Variants in PDE7B observed in about 807,000 individuals in gnomAD.
PDE7B encodes phosphodiesterase 7B.
PDE7B carries 29 observed loss-of-function variants against 56.2 expected under a neutral mutation model. That is an observed-to-expected ratio of 0.52 (90% CI 0.38 to 0.70). The LOEUF is 0.70. Among genes scored for constraint, PDE7B ranks in the 30% least tolerant of loss-of-function variants. PDE7B has a pLI of 0.00. For missense variants in PDE7B, 490 were observed against 565.0 expected (o/e 0.87, Z 1.35); for synonymous variants, 197 against 196.9 (o/e 1.00, Z 0.00).
At chr6:136,042,885 C>G (rs1176809905) in intron 2 of PDE7B, among the ~76,000 whole-genome samples, 2 of 152,162 alleles carry the variant, frequency 1.3e-5, no homozygotes, top group African/African-American at 4.8e-5. Flanking sequence ...GAATCAAAAG[C>G]TTAATGAAAG....
chr6:136,041,159 G>A (rs1015076040), intron 2 of PDE7B, among the ~76,000 whole-genome samples: 2 of 152,162 alleles, frequency 1.3e-5, no homozygotes, highest in East Asian at 3.8e-4. Context: ...TAAAGATGGT[G>A]TCATTGGCTC....
intron 9 of PDE7B, among the ~76,000 whole-genome samples, chr6:136,178,511 C>G (rs1008891115): frequency 5.9e-5 from 9 of 152,148 alleles, no homozygotes; most frequent in Non-Finnish European, 1.3e-4. Context: ...GTTCCAGAAT[C>G]TCTTCCTGGC....
At chr6:136,089,049 C>T (rs908837443) in intron 2 of PDE7B, among the ~76,000 whole-genome samples, 1 of 151,838 alleles carries the variant, frequency 6.6e-6, no homozygotes, top group East Asian at 1.9e-4. Flanking sequence ...ACCTAGAAAC[C>T]GCAAAACACA....
In PDE7B at chr6:135,897,292, A is replaced by G. The variant is rs950902623; in HGVS notation, c.21+45273A>G. 2.7e-5 allele frequency among the ~76,000 whole-genome samples: 4 copies of G among 148,802 alleles called. No individual in the cohort carries two copies. In the South Asian group the frequency reaches 8.4e-4, roughly 31 times the overall value. On this transcript the variant is annotated intron_variant, in intron 1 of 12. Coordinates refer to ENST00000308191, the MANE Select transcript of PDE7B (RefSeq NM_018945.4). ...TGTGTGTGTGTGTGTGTGTGTGGGT[A>G]TGTGTGTAGGCGGAGGAAGGAGGGA...
chr6:135,909,762 T>A (rs1776179428), intron 1 of PDE7B, among the ~76,000 whole-genome samples: 1 of 152,162 alleles, frequency 6.6e-6, no homozygotes, highest in African/African-American at 2.4e-5. Context: ...AAGATCAAAG[T>A]GTCTACGCAA....
intron 2 of PDE7B, among the ~76,000 whole-genome samples, chr6:136,073,977 G>T (rs141997193): frequency 1.3e-5 from 2 of 152,158 alleles, no homozygotes; most frequent in Non-Finnish European, 1.5e-5. Context: ...TAATTCCTTC[G>T]TGGAGAATTT....
At chr6:136,103,073 G>A (rs1013685349) in intron 2 of PDE7B, among the ~76,000 whole-genome samples, 1 of 152,104 alleles carries the variant, frequency 6.6e-6, no homozygotes, top group African/African-American at 2.4e-5. Flanking sequence ...CTAACTCCTG[G>A]TTTGCCTCTT....
intron 1 of PDE7B, among the ~76,000 whole-genome samples, chr6:135,895,896 T>C (rs769773099): frequency 1.1e-4 from 16 of 152,124 alleles, no homozygotes. Flanking sequence ...ACTGATTCCA[T>C]CACACTCCCT....
At chr6:135,993,903 G>A (rs775597404) in intron 2 of PDE7B, among the ~76,000 whole-genome samples, 6 of 152,048 alleles carry the variant, frequency 3.9e-5, no homozygotes, top group Non-Finnish European at 5.9e-5. Context: ...ATAAAAACTC[G>A]GGTCTATCCA....
intron 1 of PDE7B, among the ~76,000 whole-genome samples, chr6:135,873,675 G>C (rs1042837179): frequency 6.6e-6 from 1 of 151,902 alleles, no homozygotes; most frequent in Admixed American, 6.6e-5. Context: ...TAAGTAGATA[G>C]GCAAATAAGA....
At chr6:136,015,774 T>C (rs1775968292) in intron 2 of PDE7B, among the ~76,000 whole-genome samples, 1 of 152,168 alleles carries the variant, frequency 6.6e-6, no homozygotes, top group Admixed American at 6.5e-5. Context: ...GGCATTTTCA[T>C]CTTTTCTGGG....
intron 3 of PDE7B, among the ~76,000 whole-genome samples, chr6:136,141,773 T>C (rs1025066973): frequency 2.0e-5 from 3 of 152,238 alleles, no homozygotes; most frequent in Non-Finnish European, 4.4e-5. Flanking sequence ...TAGTATTCTC[T>C]GATGGTAGTT....
chr6:135,863,136 G>A (rs1179883275), intron 1 of PDE7B, among the ~76,000 whole-genome samples: 1 of 151,782 alleles, frequency 6.6e-6, no homozygotes, highest in African/African-American at 2.4e-5. Context: ...CAATTGTTAG[G>A]TATAGTGCTC....
intron 1 of PDE7B, among the ~76,000 whole-genome samples, chr6:135,873,880 A>G (rs1775438606): frequency 6.6e-6 from 1 of 152,168 alleles, no homozygotes; most frequent in Non-Finnish European, 1.5e-5. Flanking sequence ...TCATTAATTC[A>G]TTTATTCATT....
At chr6:136,117,501 A>G (rs1777858989) in intron 3 of PDE7B, among the ~76,000 whole-genome samples, 1 of 152,226 alleles carries the variant, frequency 6.6e-6, no homozygotes, top group Non-Finnish European at 1.5e-5. Flanking sequence ...GGGTTCACAC[A>G]CAAGATCAAA....
At chr6:136,008,327 A>G in intron 2 of PDE7B, among the ~76,000 whole-genome samples, 1 of 152,184 alleles carries the variant, frequency 6.6e-6, no homozygotes, top group Non-Finnish European at 1.5e-5. Context: ...AGCATGTCTT[A>G]TAATCCTTTG....
intron 7 of PDE7B, among the ~76,000 whole-genome samples, chr6:136,155,325 C>T (rs373053957): frequency 6.6e-6 from 1 of 152,220 alleles, no homozygotes; most frequent in East Asian, 1.9e-4. Flanking sequence ...ATCCACCCAA[C>T]AGCACTGTTG....
intron 2 of PDE7B, among the ~76,000 whole-genome samples, chr6:136,087,628 G>A (rs573068544): frequency 5.4e-4 from 82 of 152,314 alleles, no homozygotes; most frequent in Middle Eastern, 3.4e-3. Context: ...TTAGAAAGCA[G>A]TAACTTCATC....
At chr6:136,003,565 TAC>T (rs1357131377) in intron 2 of PDE7B, among the ~76,000 whole-genome samples, 1 of 152,198 alleles carries the variant, frequency 6.6e-6, no homozygotes. Context: ...CAGAGAATAC[TAC>T]AAACACCTCT....
Sources: allele counts gnomAD v4.1 joint callset (sites outside exome capture counted in the v4.1 genomes callset), GRCh38; gene constraint gnomAD v4.1.1; transcripts MANE v1.5; gene names NCBI Gene and HGNC (gene_info 2026-07-23, HGNC 2026-07-21).